Variants in KANK1 observed in about 807,000 individuals in gnomAD.
KANK1 encodes KN motif and ankyrin repeat domain-containing protein 1.
Under a neutral mutation model 106.2 loss-of-function variants are expected in KANK1, and 109 were observed. That is an observed-to-expected ratio of 1.03 (90% CI 0.88 to 1.20). The LOEUF is 1.20. Among genes scored for constraint, KANK1 ranks in the 50% most tolerant of loss-of-function variants. The pLI is 0.00. For synonymous variants in KANK1, 873 were observed against 652.2 expected (o/e 1.34, Z -5.16); for missense variants, 2,399 against 1,710.7 (o/e 1.40, Z -7.10).
chr9:533,579 C>A (rs1416745754), intron 1 of KANK1, among the ~76,000 whole-genome samples: 1 of 152,140 alleles, frequency 6.6e-6, no homozygotes, highest in African/African-American at 2.4e-5. Flanking sequence ...TTATCTGAAT[C>A]CTGAATAGTT....
intron 1 of KANK1, among the ~76,000 whole-genome samples, chr9:559,812 C>G (rs1041140027): frequency 6.6e-6 from 1 of 152,194 alleles, no homozygotes; most frequent in African/African-American, 2.4e-5. Flanking sequence ...GGTTGTGGCT[C>G]TCTACCATGT....
chr9:667,740 TTG>T (rs753050952), intron 1 of KANK1, among the ~76,000 whole-genome samples: 35,122 of 105,762 alleles, frequency 0.33, 5,571 homozygotes, highest in South Asian at 0.56. Context: ...AAAGGTTTTT[TTG>T]TTTTGTTTTT....
intron 1 of KANK1, among the ~76,000 whole-genome samples, chr9:657,905 T>C (rs577736261): frequency 6.6e-6 from 1 of 152,134 alleles, no homozygotes; most frequent in South Asian, 2.1e-4. Flanking sequence ...GGGGGTGGTA[T>C]AGGCTCTCCC....
At chr9:542,936 CAGTTA>C (rs963604553) in intron 1 of KANK1, among the ~76,000 whole-genome samples, 3 of 152,042 alleles carry the variant, frequency 2.0e-5, no homozygotes, top group Non-Finnish European at 2.9e-5. Context: ...TAAAAAGTTT[CAGTTA>C]AGTTAAATAT....
chr9:659,732 A>G (rs568069482), intron 1 of KANK1, among the ~76,000 whole-genome samples: 1 of 152,014 alleles, frequency 6.6e-6, no homozygotes, highest in South Asian at 2.1e-4. Context: ...TGCACTTTCA[A>G]ACAACCAGTT....
chr9:524,748 C>T (rs1275140747), intron 1 of KANK1, among the ~76,000 whole-genome samples: 1 of 151,560 alleles, frequency 6.6e-6, no homozygotes, highest in African/African-American at 2.4e-5. Context: ...AACTCCTGAC[C>T]TCAGGTGATC....
upstream of KANK1, among the ~76,000 whole-genome samples, chr9:503,617 G>C (rs920401628): frequency 6.6e-6 from 1 of 152,208 alleles, no homozygotes; most frequent in African/African-American, 2.4e-5. Flanking sequence ...CGGTGCTAGA[G>C]AGCTTGGGGG....
At chr9:650,909 A>T (rs1298765521) in intron 1 of KANK1, among the ~76,000 whole-genome samples, 1 of 152,170 alleles carries the variant, frequency 6.6e-6, no homozygotes. Context: ...AAAATAGGAA[A>T]TGAGAAGAAA....
intron 1 of KANK1, among the ~76,000 whole-genome samples, chr9:567,302 C>G (rs147844580): frequency 3.4e-3 from 520 of 152,296 alleles, no homozygotes; most frequent in African/African-American, 0.012. Flanking sequence ...GTTCTTTTTG[C>G]TTAGGATTGC....
At chr9:555,344 A>G (rs1486311422) in intron 1 of KANK1, among the ~76,000 whole-genome samples, 2 of 152,068 alleles carry the variant, frequency 1.3e-5, no homozygotes, top group Admixed American at 6.5e-5. Context: ...CTTCCACACC[A>G]TGTACATGAT....
At chr9:611,950 C>A (rs1049488929) in intron 1 of KANK1, among the ~76,000 whole-genome samples, 1 of 152,192 alleles carries the variant, frequency 6.6e-6, no homozygotes, top group East Asian at 1.9e-4. Flanking sequence ...GATCTCCTGA[C>A]CTTGTGATCC....
chr9:730,560 G>GGGGA, intron 4 of KANK1: 1 of 355,290 alleles, frequency 2.8e-6, no homozygotes, highest in South Asian at 2.3e-5. Flanking sequence ...AGGCATGGTG[G>GGGGA]TGCACACCTG....
intron 1 of KANK1, among the ~76,000 whole-genome samples, chr9:521,268 T>C (rs1030206151): frequency 2.0e-5 from 3 of 151,762 alleles, no homozygotes; most frequent in African/African-American, 7.3e-5. Context: ...CATTTCTGCA[T>C]GTTCACCCTC....
intron 2 of KANK1, among the ~76,000 whole-genome samples, chr9:472,223 C>T (rs1483278395): frequency 6.6e-6 from 1 of 152,202 alleles, no homozygotes; most frequent in Non-Finnish European, 1.5e-5. Flanking sequence ...TGACCAGTTT[C>T]CCTGACCTCC....
intron 2 of KANK1, among the ~76,000 whole-genome samples, chr9:688,293 T>C (rs555500428): frequency 1.3e-5 from 2 of 152,304 alleles, no homozygotes; most frequent in South Asian, 2.1e-4. Context: ...TCTCCCTCAC[T>C]TGCTCTAAGG....
chr9:690,593 T>C (rs926735002), intron 2 of KANK1, among the ~76,000 whole-genome samples: 8 of 152,014 alleles, frequency 5.3e-5, no homozygotes, highest in South Asian at 2.1e-4. Flanking sequence ...GCAGGGAACA[T>C]TGGGGGAGGA....
chr9:655,371 A>T (rs369966897), intron 1 of KANK1, among the ~76,000 whole-genome samples: 1 of 5,024 alleles, frequency 2.0e-4, no homozygotes. Context: ...AATTCTGTCT[A>T]AAAAAAAAAA....
chr9:627,905 T>C (rs1834735322), intron 1 of KANK1, among the ~76,000 whole-genome samples: 2 of 152,248 alleles, frequency 1.3e-5, no homozygotes, highest in Admixed American at 6.5e-5. Context: ...AAAAATTTAC[T>C]AAGGGCTTGA....
chr9:740,087 C>A (rs1258979356), intron 8 of KANK1, among the ~76,000 whole-genome samples: 1 of 152,138 alleles, frequency 6.6e-6, no homozygotes, highest in Non-Finnish European at 1.5e-5. Flanking sequence ...AAGCTGCTTT[C>A]TAACACTCAC....
Sources: allele counts gnomAD v4.1 joint callset (sites outside exome capture counted in the v4.1 genomes callset), GRCh38; gene constraint gnomAD v4.1.1; transcripts MANE v1.5; gene names NCBI Gene and HGNC (gene_info 2026-07-23, HGNC 2026-07-21).